REC114: variants seen among roughly 807,000 people sequenced by gnomAD.
The protein encoded by REC114 is meiotic recombination protein REC114.
A neutral mutation model predicts 31.3 loss-of-function variants in REC114; 27 were observed. That is an observed-to-expected ratio of 0.86 (90% CI 0.64 to 1.19). The LOEUF (loss-of-function observed/expected upper bound fraction) is 1.19, where lower values mean the gene tolerates loss of function less well. Among genes scored for constraint, REC114 ranks in the 50% most tolerant of loss-of-function variants. REC114 has a pLI of 0.00. For missense variants in REC114, 344 were observed against 326.9 expected (o/e 1.05, Z -0.40); for synonymous variants, 134 against 127.7 (o/e 1.05, Z -0.33).
At chr15:73,529,158 G>A (rs1417682890) in intron 2 of REC114, among the ~76,000 whole-genome samples, 1 of 149,042 alleles carries the variant, frequency 6.7e-6, no homozygotes, top group Admixed American at 6.7e-5. Flanking sequence ...TTTTTTTGGA[G>A]ACAGAGTCTC....
At chr15:73,549,695 T>A (rs992364251) in intron 3 of REC114, among the ~76,000 whole-genome samples, 16 of 151,356 alleles carry the variant, frequency 1.1e-4, no homozygotes, top group African/African-American at 3.9e-4. Context: ...CTCTTCATAT[T>A]TTTTCCAATG....
intron 1 of REC114, among the ~76,000 whole-genome samples, chr15:73,450,660 AC>A (rs1451440126): frequency 6.6e-6 from 1 of 152,158 alleles, no homozygotes; most frequent in East Asian, 1.9e-4. Context: ...AGAACTCTCC[AC>A]CCCAAATCGA....
intron 2 of REC114, among the ~76,000 whole-genome samples, chr15:73,532,001 T>C (rs970826081): frequency 2.0e-5 from 3 of 146,974 alleles, no homozygotes; most frequent in Non-Finnish European, 3.0e-5. Flanking sequence ...TTTTTTTTAA[T>C]ACTTTAAGTT....
At chr15:73,509,939 C>A (rs1438836969) in intron 2 of REC114, among the ~76,000 whole-genome samples, 1 of 151,398 alleles carries the variant, frequency 6.6e-6, no homozygotes, top group East Asian at 1.9e-4. Context: ...TTTTTTGGTT[C>A]CATATGAACT....
intron 2 of REC114, among the ~76,000 whole-genome samples, chr15:73,481,447 T>C (rs1484650826): frequency 6.6e-6 from 1 of 152,014 alleles, no homozygotes; most frequent in Non-Finnish European, 1.5e-5. Context: ...TCTATTGTCA[T>C]TTATGTCAAA....
intron 1 of REC114, among the ~76,000 whole-genome samples, chr15:73,471,214 G>A (rs1415421704): frequency 6.6e-6 from 1 of 152,194 alleles, no homozygotes; most frequent in African/African-American, 2.4e-5. Context: ...TCCAACTAGA[G>A]AGAATGATAA....
At chr15:73,529,126 A>T (rs1423624355) in intron 2 of REC114, among the ~76,000 whole-genome samples, 1 of 150,872 alleles carries the variant, frequency 6.6e-6, no homozygotes, top group African/African-American at 2.4e-5. Flanking sequence ...TATTTTTATT[A>T]TTTATTTATT....
chr15:73,557,062 ATT>A (rs56187612), intron 5 of REC114, among the ~76,000 whole-genome samples: 13,722 of 136,948 alleles, frequency 0.1, 775 homozygotes, highest in African/African-American at 0.16. Flanking sequence ...TTCAAGTATG[ATT>A]TTTTTTTTTT....
At chr15:73,458,208 T>C (rs1370617437) in intron 1 of REC114, among the ~76,000 whole-genome samples, 1 of 152,214 alleles carries the variant, frequency 6.6e-6, no homozygotes, top group African/African-American at 2.4e-5. Flanking sequence ...CAAAGTATTT[T>C]CATAAACCTT....
At chr15:73,495,508 TAAA>T (rs80177107) in intron 2 of REC114, among the ~76,000 whole-genome samples, 1 of 130,694 alleles carries the variant, frequency 7.7e-6, no homozygotes, top group Non-Finnish European at 1.7e-5. Context: ...CTGCCAGTCT[TAAA>T]AAAAAAAAAA....
chr15:73,499,800 C>T (rs1224008254), intron 2 of REC114, among the ~76,000 whole-genome samples: 1 of 152,034 alleles, frequency 6.6e-6, no homozygotes, highest in Non-Finnish European at 1.5e-5. Context: ...CTTGTGGGTC[C>T]CTGAAAACTC....
At chr15:73,457,398 C>T (rs922468240) in intron 1 of REC114, among the ~76,000 whole-genome samples, 5 of 152,144 alleles carry the variant, frequency 3.3e-5, no homozygotes, top group African/African-American at 7.2e-5. Flanking sequence ...CTGCAAGTGT[C>T]TGGAGTTCTT....
At chr15:73,503,354 A>G (rs547252318) in intron 2 of REC114, among the ~76,000 whole-genome samples, 223 of 152,298 alleles carry the variant, frequency 1.5e-3, no homozygotes, top group African/African-American at 5.0e-3. Flanking sequence ...CTGTATGTTT[A>G]TACCTCAACT....
At chr15:73,491,830 G>A (rs1297403035) in intron 2 of REC114, among the ~76,000 whole-genome samples, 1 of 152,074 alleles carries the variant, frequency 6.6e-6, no homozygotes, top group Non-Finnish European at 1.5e-5. Flanking sequence ...AACCTGGGAG[G>A]CGGAGGTTGC....
At chr15:73,540,455 G>A (rs769932066) in intron 2 of REC114, 30 bp from the exon 3 acceptor site, 89 of 1,527,206 alleles carry the variant, frequency 5.8e-5, no homozygotes, top group Non-Finnish European at 7.7e-5. Context: ...TTTTGTTTCT[G>A]TTGCTAATTT....
At chr15:73,491,238 C>CTTTGTGTATTATCTTAATTTTTTGTA (rs1893438959) in intron 2 of REC114, among the ~76,000 whole-genome samples, 2 of 150,522 alleles carry the variant, frequency 1.3e-5, no homozygotes, top group African/African-American at 4.9e-5. Flanking sequence ...TGTGTACTAT[C>CTTTGTGTATTATCTTAATTTTTTGTA]TTTGTGTATT....
At chr15:73,521,268 C>CT (rs1893932703) in intron 2 of REC114, among the ~76,000 whole-genome samples, 1 of 152,192 alleles carries the variant, frequency 6.6e-6, no homozygotes, top group Admixed American at 6.5e-5. Context: ...AACTGACATA[C>CT]TGAACACTGT....
intron 2 of REC114, among the ~76,000 whole-genome samples, chr15:73,498,076 G>C (rs1893552409): frequency 6.6e-6 from 1 of 151,952 alleles, no homozygotes; most frequent in Admixed American, 6.6e-5. Flanking sequence ...GCTATTGTTT[G>C]ATTTGGAAAT....
chr15:73,495,587 C>T (rs1050057193), intron 2 of REC114, among the ~76,000 whole-genome samples: 11 of 149,658 alleles, frequency 7.4e-5, no homozygotes, highest in Admixed American at 6.6e-5. Context: ...CCCTATTTAT[C>T]ATCTTATCAA....
Sources: allele counts gnomAD v4.1 joint callset (sites outside exome capture counted in the v4.1 genomes callset), GRCh38; gene constraint gnomAD v4.1.1; transcripts MANE v1.5; gene names NCBI Gene and HGNC (gene_info 2026-07-23, HGNC 2026-07-21).